The following HECTD4 variants were observed in gnomAD, a reference collection of about 807,000 sequenced individuals.
HECTD4 encodes the protein probable E3 ubiquitin-protein ligase HECTD4.
A neutral mutation model predicts 471.5 loss-of-function variants in HECTD4; 114 were observed. The ratio of observed to expected loss-of-function variants is 0.24; its 90% CI spans 0.21 to 0.28. The LOEUF (loss-of-function observed/expected upper bound fraction) is 0.28, where lower values mean the gene tolerates loss of function less well. HECTD4 is among the 10% of genes least tolerant of loss of function. The pLI, the probability that HECTD4 is intolerant of heterozygous loss-of-function variation, is 1.00. For missense variants in HECTD4, 3,866 were observed against 5,651.5 expected, an observed-to-expected ratio of 0.68 and a Z score of 10.13; for synonymous variants, 2,012 against 2,256.0, an observed-to-expected ratio of 0.89 and a Z score of 3.07.
At chr12:112,238,989 C>A (rs1593964067) in intron 34 of HECTD4, 63 bp downstream of exon 34, 14 of 1,470,110 alleles carry the variant, frequency 9.5e-6, no homozygotes, top group Non-Finnish European at 1.2e-5. Context: ...CATAAAAAAA[C>A]CAATAAACTA....
chr12:112,301,981 G>T, intron 7 of HECTD4: 1 of 871,346 alleles, frequency 1.1e-6, no homozygotes, highest in Non-Finnish European at 1.9e-6. Flanking sequence ...AGATCTCATC[G>T]TATCTGTCAT....
At chr12:112,369,304 C>T (rs145427045) in intron 1 of HECTD4, among the ~76,000 whole-genome samples, 2 of 150,632 alleles carry the variant, frequency 1.3e-5, no homozygotes, top group East Asian at 1.9e-4. Context: ...TCTTTTGGAG[C>T]GAAAGTTATT....
intron 32 of HECTD4, among the ~76,000 whole-genome samples, chr12:112,242,668 G>T (rs1249035918): frequency 1.3e-5 from 2 of 151,140 alleles, no homozygotes; most frequent in Admixed American, 6.6e-5. Flanking sequence ...ACAGCACTTT[G>T]GGGGGGCCGA....
intron 49 of HECTD4, among the ~76,000 whole-genome samples, chr12:112,211,413 A>T (rs1043505550): frequency 2.6e-5 from 4 of 152,134 alleles, no homozygotes; most frequent in Admixed American, 2.6e-4. Context: ...GGGCCTTTAA[A>T]ATGCATGACA....
chr12:112,301,016 C>T (rs2035152443), intron 7 of HECTD4, among the ~76,000 whole-genome samples: 1 of 152,006 alleles, frequency 6.6e-6, no homozygotes, highest in Non-Finnish European at 1.5e-5. Flanking sequence ...TCCCGAGTAG[C>T]TGGGACTACA....
intron 1 of HECTD4, among the ~76,000 whole-genome samples, chr12:112,341,089 G>T (rs989214060): frequency 6.6e-6 from 1 of 152,014 alleles, no homozygotes; most frequent in African/African-American, 2.4e-5. Flanking sequence ...TGTCTGTTTT[G>T]CTCACCAATG....
At chr12:112,175,935 A>C (rs1593896509) in intron 65 of HECTD4, 76 bp from the exon 66 acceptor site, 6 of 1,557,974 alleles carry the variant, frequency 3.9e-6, no homozygotes, top group African/African-American at 1.4e-5. Flanking sequence ...CTCTGCTCTC[A>C]CCACAGCCTC....
At position 112,169,507 on chromosome 12, in the gene HECTD4, G is replaced by A. The variant is rs771423196; in HGVS notation, c.12204C>T (p.Gly4068=). The A allele has an allele frequency of 1.2e-6, 2 of 1,608,818 alleles. No individual in the cohort carries two copies. The highest frequency in any genetic ancestry group is 2.2e-5 in the East Asian group (1 of 44,774). The change falls in exon 70 of 76, where the codon GGC becomes GGT. Residue 4068 remains glycine, a synonymous_variant. Coordinates refer to ENST00000682272, the MANE Select transcript of HECTD4 (RefSeq NM_001388303.1). ...NIRFTGEEVH[G]TSGSFRHFLW... is the part of the protein sequence containing the mutation. ...GCCTGGCGGGCCACCACTTACTGGTGCCATGGACCTCCTCGCCAGTGAAGC... is the reference window on the plus strand; with the variant it reads ...GCCTGGCGGGCCACCACTTACTGGTACCATGGACCTCCTCGCCAGTGAAGC...
At chr12:112,308,663 T>C in intron 6 of HECTD4, 90 bp downstream of exon 6, 1 of 1,195,844 alleles carries the variant, frequency 8.4e-7, no homozygotes, top group Non-Finnish European at 1.1e-6. Flanking sequence ...GGAAAATATA[T>C]CAACTGTATT....
chr12:112,207,943 G>A lies in HECTD4; in HGVS notation c.8062C>T (p.Arg2688Ter), dbSNP rs1003660030. The A allele has an allele frequency of 6.2e-7, 1 of 1,613,686 alleles. No individual in the cohort carries two copies. Among genetic ancestry groups the A allele is most frequent in the Non-Finnish European group, 8.5e-7 (1 of 1,179,828 alleles). The stretch of plus-strand genomic sequence containing the variant: ...TCTGCTTCATTGCGGAAGCGTCTTC[G>A]GATGGTAGGAAAAACCTTGGTCTCC... ...AWETKVFPTI[R>*]RRFRNEAERK... The change falls in exon 52 of 76, where the codon CGA (arginine) becomes TGA (stop). Residue 2688 changes from arginine to a stop codon, truncating the protein, a stop_gained. Coordinates refer to ENST00000682272, the MANE Select transcript of HECTD4 (RefSeq NM_001388303.1). LOFTEE classifies it high-confidence loss of function.
chr12:112,216,163 G>A (rs552814838), intron 48 of HECTD4, 129 bp downstream of exon 48: 5 of 656,518 alleles, frequency 7.6e-6, no homozygotes, highest in South Asian at 5.5e-5. Flanking sequence ...CAGCAAGGAC[G>A]TGTTTGGTTT....
At chr12:112,282,313 G>T (rs1285411452) in intron 8 of HECTD4, among the ~76,000 whole-genome samples, 1 of 152,118 alleles carries the variant, frequency 6.6e-6, no homozygotes, top group Non-Finnish European at 1.5e-5. Flanking sequence ...AACCTGGGAG[G>T]CGGAGCTTGC....
At chr12:112,272,935 T>C (rs1210300710) in intron 11 of HECTD4, among the ~76,000 whole-genome samples, 3 of 152,208 alleles carry the variant, frequency 2.0e-5, no homozygotes, top group African/African-American at 7.2e-5. Flanking sequence ...CTGACCAAGC[T>C]TGAGGTGGTC....
chr12:112,176,628 T>C lies in HECTD4; in HGVS notation c.11438A>G (p.Asp3813Gly). The change falls in exon 65 of 76, where the codon GAC becomes GGC. Residue 3813 changes from aspartate (D) to glycine (G), a missense_variant. By Grantham distance (94) the Asp-to-Gly change is moderately conservative. Transcript: ENST00000682272. ...SPEKSKPDEK[D>G]PEKSPTKKQE... is the part of the protein sequence containing the mutation. Reference sequence around the variant, plus strand: ...TTTTTTGGTAGGTGACTTTTCTGGGTCCTTTTCATCTGGTTTGCTCTTTTC... The same window carrying C: ...TTTTTTGGTAGGTGACTTTTCTGGGCCCTTTTCATCTGGTTTGCTCTTTTC... 6.2e-7 allele frequency: 1 copy of C among 1,613,970 alleles called. No homozygotes were observed. Among genetic ancestry groups the C allele is most frequent in the Non-Finnish European group, 8.5e-7 (1 of 1,179,844 alleles).
chr12:112,276,459 T>C (rs756427780), intron 9 of HECTD4, among the ~76,000 whole-genome samples: 1 of 152,178 alleles, frequency 6.6e-6, no homozygotes, highest in Non-Finnish European at 1.5e-5. Context: ...GTTTTATTTA[T>C]TTATTTAGAG....
At chr12:112,210,791 T>A (rs2032740282) in intron 49 of HECTD4, among the ~76,000 whole-genome samples, 1 of 152,242 alleles carries the variant, frequency 6.6e-6, no homozygotes, top group African/African-American at 2.4e-5. Context: ...TACTGTCTGA[T>A]TGATTCCTCC....
At chr12:112,254,917 T>C (rs772682273) in intron 21 of HECTD4, among the ~76,000 whole-genome samples, 4 of 152,204 alleles carry the variant, frequency 2.6e-5, no homozygotes. Context: ...CCAAACCCTG[T>C]CTTCTAATGT....
In HECTD4 at chr12:112,226,513, C is replaced by G. The variant is rs2033242022; in HGVS notation, c.6970+130G>C. On this transcript the variant is annotated intron_variant, in intron 44 of 75. Coordinates refer to ENST00000682272, the MANE Select transcript of HECTD4 (RefSeq NM_001388303.1). Reference sequence around the variant, plus strand: ...GGTCTGTGATGCACGTGAGTTGTGACAGGTGTTGTCCTTACAGCTCGGCTG... The same window carrying G: ...GGTCTGTGATGCACGTGAGTTGTGAGAGGTGTTGTCCTTACAGCTCGGCTG... 1.2e-5 allele frequency: 6 copies of G among 501,512 alleles called. No individual in the cohort carries two copies. The Admixed American group carries it at 2.0e-4, about 17-fold the overall frequency. The allele number at this position is 501,512 out of a possible 1,614,324, so 31.1% of individuals were successfully genotyped here. A position where few individuals can be genotyped will look rare whatever the true frequency, so the allele number is the denominator to read the frequency against.
chr12:112,381,878 G>A lies in HECTD4; in HGVS notation c.177+74C>T. ...GGAGGCGAGGCCGCGGCTGAGGCGA[G>A]GAGGGGGCCCGACCCGGGGGTGCCG... On this transcript the variant is annotated intron_variant, in intron 1 of 75. Coordinates refer to ENST00000682272, the MANE Select transcript of HECTD4 (RefSeq NM_001388303.1). The surrounding 1 kb of genome is among the most constrained non-coding windows in gnomAD (Gnocchi z 4.1). The A allele has an allele frequency of 9.3e-7, 1 of 1,078,812 alleles. No individual in the cohort carries two copies. The highest frequency in any genetic ancestry group is 1.2e-6 in the Non-Finnish European group (1 of 852,778). The allele number at this position is 1,078,812 out of a possible 1,614,324, so 66.8% of individuals were successfully genotyped here.
Sources: gnomAD v4.1 joint callset for allele counts (sites outside exome capture counted in the v4.1 genomes callset) on GRCh38, gnomAD v4.1.1 for gene constraint, Gnocchi (gnomAD v3.1) non-coding constraint, MANE v1.5 for transcripts, NCBI Gene and HGNC (gene_info 2026-07-23, HGNC 2026-07-21) for gene names.